The following ARHGEF28 variants were observed in gnomAD, a reference collection of about 807,000 sequenced individuals.
ARHGEF28 encodes 190 kDa guanine nucleotide exchange factor.
ARHGEF28 carries 152 observed loss-of-function variants against 206.6 expected under a neutral mutation model. The observed-to-expected ratio is 0.74, with a 90% CI of 0.64 to 0.84. ARHGEF28 has a LOEUF of 0.84. Ranked by LOEUF, ARHGEF28 falls within the 40% of genes least tolerant of loss-of-function variation. The pLI is 0.00. For synonymous variants in ARHGEF28, 763 were observed against 776.4 expected (o/e 0.98, Z 0.29); for missense variants, 2,028 against 2,073.2 (o/e 0.98, Z 0.42).
At chr5:73,860,496 C>T (rs1358657314) in intron 16 of ARHGEF28, among the ~76,000 whole-genome samples, 1 of 152,174 alleles carries the variant, frequency 6.6e-6, no homozygotes, top group Non-Finnish European at 1.5e-5. Flanking sequence ...GCAGGACATA[C>T]TTGGCCTGGC....
intron 4 of ARHGEF28, among the ~76,000 whole-genome samples, chr5:73,757,415 T>C (rs1053841953): frequency 1.3e-5 from 2 of 152,202 alleles, no homozygotes; most frequent in Non-Finnish European, 1.5e-5. Flanking sequence ...ACCGAAGGAG[T>C]ATTCATTGAT....
chr5:73,927,153 G>C (rs1190599418), intron 35 of ARHGEF28, among the ~76,000 whole-genome samples: 1 of 151,750 alleles, frequency 6.6e-6, no homozygotes, highest in African/African-American at 2.4e-5. Context: ...TTGAGCCCAG[G>C]AGTTCAAGAC....
intron 1 of ARHGEF28, among the ~76,000 whole-genome samples, chr5:73,681,800 G>A (rs1391792247): frequency 1.3e-5 from 2 of 151,932 alleles, no homozygotes; most frequent in African/African-American, 4.8e-5. Context: ...GGGCAACAGA[G>A]CGAAACTCTG....
Position 73,893,218 on chromosome 5 carries a change from A to G in ARHGEF28, c.3588A>G (p.Gly1196=). ...AVESCPEEKG[G]RTSESDEDKR... The stretch of plus-strand genomic sequence containing the variant: ...AAAGTTGTCCTGAAGAAAAAGGGGG[A>G]AGGACAAGTGAATCTGATGAAGACA... The change falls in exon 28 of 36, where the codon GGA becomes GGG. Residue 1196 remains glycine (G), a synonymous_variant. Transcript: ENST00000513042. 1.3e-6 allele frequency: 2 copies of G among 1,553,248 alleles called. No homozygotes were observed. Among genetic ancestry groups the G allele is most frequent in the Admixed American group, 2.0e-5 (1 of 50,782 alleles).
chr5:73,844,170 A>G (rs1482234199), intron 11 of ARHGEF28, among the ~76,000 whole-genome samples: 1 of 152,238 alleles, frequency 6.6e-6, no homozygotes, highest in Non-Finnish European at 1.5e-5. Flanking sequence ...AATAGAAACA[A>G]TGTTTTATAG....
chr5:73,701,577 G>T (rs1319841123), intron 2 of ARHGEF28, among the ~76,000 whole-genome samples: 1 of 152,102 alleles, frequency 6.6e-6, no homozygotes, highest in African/African-American at 2.4e-5. Flanking sequence ...TCGATGAGTA[G>T]ATAAACTATG....
intron 9 of ARHGEF28, among the ~76,000 whole-genome samples, chr5:73,809,832 A>G (rs1012224658): frequency 6.6e-6 from 1 of 152,212 alleles, no homozygotes; most frequent in African/African-American, 2.4e-5. Flanking sequence ...CCATGAAAGC[A>G]TTCATACTCT....
intron 20 of ARHGEF28, among the ~76,000 whole-genome samples, chr5:73,868,929 G>A (rs1458915199): frequency 6.6e-6 from 1 of 152,178 alleles, no homozygotes; most frequent in Non-Finnish European, 1.5e-5. Flanking sequence ...TTACAGGCAT[G>A]AGCCACTGTG....
At chr5:73,776,725 T>C (rs1382816190) in intron 6 of ARHGEF28, 29 bp downstream of exon 6, 4 of 1,564,190 alleles carry the variant, frequency 2.6e-6, no homozygotes, top group African/African-American at 2.7e-5. Context: ...TAGCATGTGA[T>C]AATGCATGCT....
intron 28 of ARHGEF28, among the ~76,000 whole-genome samples, chr5:73,893,750 G>A (rs1384553709): frequency 6.6e-6 from 1 of 152,160 alleles, no homozygotes; most frequent in Non-Finnish European, 1.5e-5. Context: ...GGATGCCTGG[G>A]CCTCACCCTC....
chr5:73,875,335 G>A (rs1460959905), intron 22 of ARHGEF28, among the ~76,000 whole-genome samples: 3 of 150,824 alleles, frequency 2.0e-5, no homozygotes, highest in Non-Finnish European at 4.5e-5. Flanking sequence ...TGTCAGATGA[G>A]TAGGTTGCAA....
chr5:73,768,945 G>A (rs767367061), intron 4 of ARHGEF28, among the ~76,000 whole-genome samples: 1 of 151,992 alleles, frequency 6.6e-6, no homozygotes, highest in African/African-American at 2.4e-5. Flanking sequence ...TGAGGCTCAC[G>A]AGATCTGATA....
chr5:73,657,689 T>C (rs373984259), intron 1 of ARHGEF28, among the ~76,000 whole-genome samples: 1 of 152,326 alleles, frequency 6.6e-6, no homozygotes, highest in East Asian at 1.9e-4. Flanking sequence ...ATTTTTCAGT[T>C]AAAGGGCTCC....
At chr5:73,839,285 G>A (rs1404734694) in intron 10 of ARHGEF28, among the ~76,000 whole-genome samples, 1 of 152,094 alleles carries the variant, frequency 6.6e-6, no homozygotes, top group Non-Finnish European at 1.5e-5. Flanking sequence ...GATATTTTAA[G>A]CCCTTGTAAA....
chr5:73,818,455 G>C (rs971433649), intron 9 of ARHGEF28, among the ~76,000 whole-genome samples: 1 of 152,094 alleles, frequency 6.6e-6, no homozygotes, highest in Non-Finnish European at 1.5e-5. Flanking sequence ...ATGCAAGTGA[G>C]TATTCAGTCT....
chr5:73,909,596 A>C lies in ARHGEF28; in HGVS notation c.4346A>C (p.Gln1449Pro). The change falls in exon 34 of 36, where the codon CAG (glutamine) becomes CCG (proline). Residue 1449 changes from glutamine (Q) to proline (P), a missense_variant. This residue lies in a region of ARHGEF28 where 803 missense variants were observed against 768.0 expected (regional missense o/e 1.05). Transcript: ENST00000513042. Reference protein sequence around the residue: ...NVHQLQHQLQQEQRRWLRRCE... With the variant: ...NVHQLQHQLQPEQRRWLRRCE... ...CACCAGCTTCAGCACCAGCTCCAGC[A>C]GGAGCAGCGGCGCTGGCTGCGCAGG... is the stretch of plus-strand genomic sequence containing the variant. 1 of 1,557,070 alleles carries C rather than the reference A, an allele frequency of 6.4e-7. No homozygotes were observed. Among genetic ancestry groups the C allele is most frequent in the Non-Finnish European group, 8.7e-7 (1 of 1,150,776 alleles).
chr5:73,651,234 G>A (rs529417747), intron 1 of ARHGEF28, among the ~76,000 whole-genome samples: 56 of 152,192 alleles, frequency 3.7e-4, no homozygotes, highest in African/African-American at 1.3e-3. Flanking sequence ...GATAGACTTG[G>A]GCTTACTTAC....
intron 35 of ARHGEF28, among the ~76,000 whole-genome samples, chr5:73,938,859 G>A (rs906803820): frequency 8.6e-5 from 13 of 151,634 alleles, no homozygotes; most frequent in South Asian, 2.1e-4. Flanking sequence ...ATTTTTGTTC[G>A]CCCGATTAAG....
At chr5:73,720,859 T>A (rs1410565253) in intron 2 of ARHGEF28, among the ~76,000 whole-genome samples, 1 of 152,142 alleles carries the variant, frequency 6.6e-6, no homozygotes, top group Non-Finnish European at 1.5e-5. Context: ...AAGAAACATA[T>A]ACTTAGTGAT....
Sources: allele counts gnomAD v4.1 joint callset (sites outside exome capture counted in the v4.1 genomes callset), GRCh38; gene constraint gnomAD v4.1.1; regional missense constraint gnomAD v4.1.1; transcripts MANE v1.5; gene names NCBI Gene and HGNC (gene_info 2026-07-23, HGNC 2026-07-21).